KCND2: variants seen among roughly 807,000 people sequenced by gnomAD.
KCND2 encodes potassium voltage-gated channel subfamily D member 2, also known as A-type voltage-gated potassium channel KCND2.
In KCND2, 16 loss-of-function variants were observed where a neutral mutation model predicts 54.4. The observed-to-expected ratio is 0.29, with a 90% CI of 0.20 to 0.45. The LOEUF (loss-of-function observed/expected upper bound fraction) is 0.45. Ranked by LOEUF, KCND2 falls within the 20% of genes least tolerant of loss-of-function variation. The pLI is 1.00. For missense variants in KCND2, 486 were observed against 824.2 expected, an observed-to-expected ratio of 0.59 and a Z score of 5.02; for synonymous variants, 317 against 310.7, an observed-to-expected ratio of 1.02 and a Z score of -0.21.
At chr7:120,561,680 C>T (rs1444753348) in intron 1 of KCND2, among the ~76,000 whole-genome samples, 7 of 132,184 alleles carry the variant, frequency 5.3e-5, no homozygotes, top group African/African-American at 1.9e-4. Flanking sequence ...GGCACAATCT[C>T]GGCTCACTGC....
At chr7:120,635,378 A>G (rs183861101) in intron 1 of KCND2, among the ~76,000 whole-genome samples, 1 of 152,334 alleles carries the variant, frequency 6.6e-6, no homozygotes, top group Admixed American at 6.5e-5. Flanking sequence ...TGCCACTCCA[A>G]CTTGTCAACT....
chr7:120,666,659 C>T (rs1021474495), intron 1 of KCND2, among the ~76,000 whole-genome samples: 20 of 151,852 alleles, frequency 1.3e-4, no homozygotes, highest in African/African-American at 4.1e-4. Context: ...CTCAGGCCTG[C>T]CCTCTGGACC....
chr7:120,470,812 C>T (rs1802442262), intron 1 of KCND2, among the ~76,000 whole-genome samples: 1 of 151,042 alleles, frequency 6.6e-6, no homozygotes, highest in African/African-American at 2.4e-5. Flanking sequence ...TTTCATATTA[C>T]ATGACATTAT....
At chr7:120,463,201 G>A (rs1339465998) in intron 1 of KCND2, among the ~76,000 whole-genome samples, 1 of 151,706 alleles carries the variant, frequency 6.6e-6, no homozygotes, top group African/African-American at 2.4e-5. Flanking sequence ...ACCTTGGCAA[G>A]TATATTGCAT....
At chr7:120,525,758 A>T (rs575011306) in intron 1 of KCND2, among the ~76,000 whole-genome samples, 28 of 152,332 alleles carry the variant, frequency 1.8e-4, no homozygotes, top group Non-Finnish European at 3.8e-4. Context: ...TAAATGAATT[A>T]ATGGAAGAAG....
intron 1 of KCND2, among the ~76,000 whole-genome samples, chr7:120,302,298 TG>T (rs1401611020): frequency 6.6e-6 from 1 of 152,228 alleles, no homozygotes; most frequent in Non-Finnish European, 1.5e-5. Context: ...CTCACTCTTT[TG>T]CCCAGGCTGG....
chr7:120,495,303 A>T (rs1802833608), intron 1 of KCND2, among the ~76,000 whole-genome samples: 1 of 151,910 alleles, frequency 6.6e-6, no homozygotes, highest in Non-Finnish European at 1.5e-5. Context: ...GGTATTAGAA[A>T]CACACTGTTG....
chr7:120,572,065 C>T (rs1404758488), intron 1 of KCND2, among the ~76,000 whole-genome samples: 4 of 152,038 alleles, frequency 2.6e-5, no homozygotes, highest in Non-Finnish European at 1.5e-5. Flanking sequence ...CTTTCATGTG[C>T]GTAGCAGCTG....
intron 1 of KCND2, among the ~76,000 whole-genome samples, chr7:120,596,414 A>G (rs1008368443): frequency 6.6e-6 from 1 of 152,224 alleles, no homozygotes; most frequent in African/African-American, 2.4e-5. Flanking sequence ...TATATGAGTT[A>G]TATGTTAAGG....
intron 1 of KCND2, among the ~76,000 whole-genome samples, chr7:120,406,622 T>TGTAG (rs1271253805): frequency 6.6e-6 from 1 of 152,000 alleles, no homozygotes; most frequent in Non-Finnish European, 1.5e-5. Context: ...AGGCAATAAT[T>TGTAG]GCTAAAGGAG....
chr7:120,293,365 C>A (rs1584716089), intron 1 of KCND2, among the ~76,000 whole-genome samples: 1 of 151,908 alleles, frequency 6.6e-6, no homozygotes, highest in African/African-American at 2.4e-5. Flanking sequence ...ACATTTAAAA[C>A]CCAGAAGGGA....
chr7:120,465,097 G>A (rs964988969), intron 1 of KCND2, among the ~76,000 whole-genome samples: 1 of 152,146 alleles, frequency 6.6e-6, no homozygotes, highest in African/African-American at 2.4e-5. Context: ...ACTTGGAGAA[G>A]TCTTTTTTAC....
chr7:120,454,044 A>G (rs1416490473), intron 1 of KCND2, among the ~76,000 whole-genome samples: 2 of 152,230 alleles, frequency 1.3e-5, no homozygotes, highest in African/African-American at 2.4e-5. Flanking sequence ...AGATCACGCC[A>G]CTGCACTCCA....
intron 1 of KCND2, among the ~76,000 whole-genome samples, chr7:120,716,962 T>C (rs1792611012): frequency 6.6e-6 from 1 of 152,142 alleles, no homozygotes. Flanking sequence ...TAAAGTTTAA[T>C]TTATAAGTTG....
intron 1 of KCND2, among the ~76,000 whole-genome samples, chr7:120,656,422 T>A (rs1791804071): frequency 6.6e-6 from 1 of 152,214 alleles, no homozygotes; most frequent in African/African-American, 2.4e-5. Context: ...TGGAAGACTA[T>A]TTCCTTTTAT....
At position 120,661,628 on chromosome 7, in the gene KCND2, TGACAGA is replaced by T. The variant is rs574524469; in HGVS notation, c.1116-71273_1116-71268del. On this transcript the variant is annotated intron_variant, in intron 1 of 5. Coordinates refer to ENST00000331113, the MANE Select transcript of KCND2 (RefSeq NM_012281.3). ...TCACGCCACCGCACTCCAGCCTGGG[TGACAGA>T]GCTAGACTTCTTCTCAAAAAAAAAA... Among the ~76,000 whole-genome samples, 62 of 148,832 alleles carry T rather than the reference TGACAGA, an allele frequency of 4.2e-4. No individual in the cohort carries two copies. In the South Asian group the frequency reaches 0.012, roughly 30 times the overall value.
At chr7:120,699,077 G>C (rs995933010) in intron 1 of KCND2, among the ~76,000 whole-genome samples, 1 of 151,968 alleles carries the variant, frequency 6.6e-6, no homozygotes, top group African/African-American at 2.4e-5. Flanking sequence ...TCAGGAGATC[G>C]AGACCAACCT....
intron 1 of KCND2, among the ~76,000 whole-genome samples, chr7:120,538,883 C>G (rs112859760): frequency 5.9e-5 from 9 of 152,238 alleles, no homozygotes; most frequent in African/African-American, 2.2e-4. Flanking sequence ...TGGAGGACTG[C>G]CCAGGCTCCC....
chr7:120,505,484 TAGAG>T (rs775670761), intron 1 of KCND2, among the ~76,000 whole-genome samples: 2 of 151,856 alleles, frequency 1.3e-5, no homozygotes, highest in Non-Finnish European at 2.9e-5. Context: ...TAAGGAAATA[TAGAG>T]AAACGGCATG....
Sources: gnomAD v4.1 joint callset for allele counts (sites outside exome capture counted in the v4.1 genomes callset) on GRCh38, gnomAD v4.1.1 for gene constraint, MANE v1.5 for transcripts, NCBI Gene and HGNC (gene_info 2026-07-23, HGNC 2026-07-21) for gene names.